ATP13A5: variants seen among roughly 807,000 people sequenced by gnomAD.
The protein encoded by ATP13A5 is ATPase 13A5.
A neutral mutation model predicts 150.2 loss-of-function variants in ATP13A5; 149 were observed. The ratio of observed to expected loss-of-function variants is 0.99; its 90% confidence interval spans 0.87 to 1.14. ATP13A5 has a LOEUF of 1.14. Ranked by LOEUF, ATP13A5 falls within the 50% of genes most tolerant of loss-of-function variation. ATP13A5 has a pLI of 0.00. For missense variants in ATP13A5, 1,383 were observed against 1,449.3 expected, an observed-to-expected ratio of 0.95 and a Z score of 0.74; for synonymous variants, 497 against 522.2, an observed-to-expected ratio of 0.95 and a Z score of 0.66.
intron 9 of ATP13A5, among the ~76,000 whole-genome samples, chr3:193,338,014 C>T (rs1005116201): frequency 1.3e-5 from 2 of 152,128 alleles, no homozygotes; most frequent in Non-Finnish European, 2.9e-5. Flanking sequence ...GGAGTTCACT[C>T]ATAATTTGGC....
intron 22 of ATP13A5, 128 bp from the exon 23 acceptor site, chr3:193,305,796 TA>T (rs5855481): frequency 0.38 from 290,356 of 757,908 alleles, 60,139 homozygotes; most frequent in East Asian, 0.61. Context: ...GGTCTCTGTT[TA>T]ATGCTGTCCC....
chr3:193,343,810 T>C, intron 9 of ATP13A5, 117 bp downstream of exon 9: 1 of 1,203,444 alleles, frequency 8.3e-7, no homozygotes, highest in Non-Finnish European at 1.1e-6. Context: ...AGGCTGGCTG[T>C]GTCTCCCTCA....
chr3:193,341,066 T>C (rs1712100886), intron 9 of ATP13A5, among the ~76,000 whole-genome samples: 1 of 152,130 alleles, frequency 6.6e-6, no homozygotes, highest in African/African-American at 2.4e-5. Flanking sequence ...GCAGGTTGAA[T>C]GAAATAGTAT....
chr3:193,345,246 C>T (rs1712291692), intron 7 of ATP13A5, among the ~76,000 whole-genome samples, 171 bp from the exon 8 acceptor site: 2 of 152,130 alleles, frequency 1.3e-5, no homozygotes, highest in African/African-American at 4.8e-5. Flanking sequence ...CCTCACCTGA[C>T]CCCCTATGTG....
chr3:193,311,619 G>A (rs912552702), intron 20 of ATP13A5, among the ~76,000 whole-genome samples, 197 bp downstream of exon 20: 1 of 152,126 alleles, frequency 6.6e-6, no homozygotes, highest in Non-Finnish European at 1.5e-5. Flanking sequence ...AACTCTGAAC[G>A]GGAGGCCGTG....
intron 11 of ATP13A5, among the ~76,000 whole-genome samples, chr3:193,333,484 C>A (rs368852798): frequency 6.6e-6 from 1 of 152,148 alleles, no homozygotes; most frequent in Non-Finnish European, 1.5e-5. Context: ...TCATGCAGTA[C>A]CAGCTCTGTA....
Position 193,331,135 on chromosome 3 carries a change from C to T in ATP13A5, c.1449G>A (p.Val483=), listed in dbSNP as rs762882030. The part of the protein sequence containing the change: ...RINMCGQINL[V]CFDKTGTLTE... ...GTCTGGATCATACTTTGTCAAAGCACACGAGGTTTATTTGCCCACACATGT... is the reference window on the plus strand; with the variant it reads ...GTCTGGATCATACTTTGTCAAAGCATACGAGGTTTATTTGCCCACACATGT... The change falls in exon 12 of 30, where the codon GTG becomes GTA. Residue 483 remains valine (V), a synonymous_variant. Coordinates refer to ENST00000342358, the MANE Select transcript of ATP13A5 (RefSeq NM_198505.4). 15 of 1,613,722 alleles carry T rather than the reference C, an allele frequency of 9.3e-6. No homozygotes were observed. The highest frequency in any genetic ancestry group is 7.6e-6 in the Non-Finnish European group (9 of 1,179,752).
At chr3:193,374,920 C>A (rs774672408) in intron 1 of ATP13A5, among the ~76,000 whole-genome samples, 1 of 152,132 alleles carries the variant, frequency 6.6e-6, no homozygotes, top group African/African-American at 2.4e-5. Flanking sequence ...CTCTCTCGTG[C>A]TCTCTTGCCC....
intron 8 of ATP13A5, 81 bp from the exon 9 acceptor site, chr3:193,344,136 C>A: frequency 6.5e-7 from 1 of 1,534,078 alleles, no homozygotes; most frequent in Non-Finnish European, 8.8e-7. Flanking sequence ...GAATCCTTAT[C>A]AACCTGTTGG....
chr3:193,320,494 C>T (rs1225853836), intron 16 of ATP13A5, among the ~76,000 whole-genome samples: 1 of 152,142 alleles, frequency 6.6e-6, no homozygotes, highest in Non-Finnish European at 1.5e-5. Flanking sequence ...AGAGCAGGGA[C>T]AATAGATACC....
chr3:193,325,923 C>G (rs759018197), intron 13 of ATP13A5, among the ~76,000 whole-genome samples: 1 of 152,160 alleles, frequency 6.6e-6, no homozygotes, highest in Non-Finnish European at 1.5e-5. Context: ...TTCCCTTTCA[C>G]TGCTCTGGCC....
rs766350622 is a variant in ATP13A5, at chr3:193,315,059, G to T, written c.2071C>A (p.Leu691Ile). ...TTTTTCAAGCGATTCTCCATGATGA[G>T]AAGTCCCAGAAATGTTAACTCTGAC... is the stretch of plus-strand genomic sequence containing the variant. Reference protein sequence around the residue: ...VESELTFLGLLIMENRLKKET... With the variant: ...VESELTFLGLIIMENRLKKET... Residue 691 changes from leucine (L) to isoleucine (I), a missense_variant, in exon 18 of 30, where the codon CTC (leucine) becomes ATC (isoleucine). This residue lies in a region of ATP13A5 where 568 missense variants were observed against 621.5 expected (regional missense o/e 0.91). Coordinates refer to ENST00000342358, the MANE Select transcript of ATP13A5 (RefSeq NM_198505.4). The T allele has an allele frequency of 3.1e-6, 5 of 1,613,032 alleles. No homozygotes were observed.
At chr3:193,353,217 T>C (rs1471566121) in intron 6 of ATP13A5, among the ~76,000 whole-genome samples, 1 of 150,458 alleles carries the variant, frequency 6.6e-6, no homozygotes, top group Non-Finnish European at 1.5e-5. Flanking sequence ...AGGGACCACA[T>C]AGGGGCCAAC....
At chr3:193,359,981 ATAATCT>A (rs1712942344) in intron 5 of ATP13A5, among the ~76,000 whole-genome samples, 1 of 152,230 alleles carries the variant, frequency 6.6e-6, no homozygotes. Flanking sequence ...CAACTGATAA[ATAATCT>A]TAATAGGAAG....
At chr3:193,374,276 G>GCACACA (rs542915725) in intron 1 of ATP13A5, among the ~76,000 whole-genome samples, 2,555 of 147,962 alleles carry the variant, frequency 0.017, 85 homozygotes, top group African/African-American at 0.062. Context: ...GCATGTATTT[G>GCACACA]CACACACACA....
intron 24 of ATP13A5, among the ~76,000 whole-genome samples, chr3:193,300,941 A>G (rs938031758): frequency 6.6e-6 from 1 of 152,156 alleles, no homozygotes; most frequent in Non-Finnish European, 1.5e-5. Context: ...CTCTCTTCAT[A>G]TTCCAAAAGA....
At chr3:193,295,636 T>C (rs1718138562) in intron 25 of ATP13A5, among the ~76,000 whole-genome samples, 1 of 152,130 alleles carries the variant, frequency 6.6e-6, no homozygotes. Flanking sequence ...TGAATGGTGC[T>C]TCTCTTGTCT....
At chr3:193,363,743 T>A in intron 2 of ATP13A5, among the ~76,000 whole-genome samples, 1 of 152,204 alleles carries the variant, frequency 6.6e-6, no homozygotes, top group Non-Finnish European at 1.5e-5. Context: ...ATGTGTAATA[T>A]CCTCCAAAAT....
At chr3:193,333,289 A>G (rs189690204) in intron 11 of ATP13A5, among the ~76,000 whole-genome samples, 1 of 151,888 alleles carries the variant, frequency 6.6e-6, no homozygotes, top group Non-Finnish European at 1.5e-5. Flanking sequence ...CTTCCTCCCC[A>G]CCAGCTCACA....
Sources: gnomAD v4.1 joint callset for allele counts (sites outside exome capture counted in the v4.1 genomes callset) on GRCh38, gnomAD v4.1.1 for gene constraint, gnomAD v4.1.1 regional missense constraint, MANE v1.5 for transcripts, NCBI Gene and HGNC (gene_info 2026-07-23, HGNC 2026-07-21) for gene names.